FAM177A1: variants seen among roughly 807,000 people sequenced by gnomAD.
FAM177A1 encodes the protein family with sequence similarity 177 member A1.
FAM177A1 carries 22 observed loss-of-function variants against 26.1 expected under a neutral mutation model. The ratio of observed to expected loss-of-function variants is 0.84; its 90% confidence interval spans 0.60 to 1.20. The LOEUF is 1.20. Among genes scored for constraint, FAM177A1 ranks in the 50% most tolerant of loss-of-function variants. The probability of loss-of-function intolerance (pLI) is 0.00; values close to 1 mark genes in which losing one functional copy is unlikely to be tolerated. For synonymous variants in FAM177A1, 95 were observed against 99.3 expected (o/e 0.96, Z 0.26); for missense variants, 296 against 291.1 (o/e 1.02, Z -0.12).
chr14:35,046,505 C>A lies in FAM177A1; in HGVS notation c.42C>A (p.Ser14Arg). ...GLPAITLFLT[S>R]ASSPVVATTM... ...CGGCCATTACCCTCTTTCTCACCAG[C>A]GCCAGCAGCCCTGTGGTGGCGACGA... Residue 14 changes from serine to arginine, a missense_variant, in exon 1 of 5, where the codon AGC becomes AGA. Ser to Arg is a moderately radical substitution (Grantham distance 110). Transcript: ENST00000280987. 6.2e-7 allele frequency: 1 copy of A among 1,602,020 alleles called. No homozygotes were observed. Among genetic ancestry groups the A allele is most frequent in the East Asian group, 2.3e-5 (1 of 44,176 alleles).
At chr14:35,069,544 C>T (rs1214351536) in intron 2 of FAM177A1, among the ~76,000 whole-genome samples, 8 of 152,044 alleles carry the variant, frequency 5.3e-5, no homozygotes, top group Admixed American at 1.3e-4. Context: ...CTCGGCCTCC[C>T]AAAGTGCTGG....
At chr14:35,057,398 T>G (rs1242423025) in intron 2 of FAM177A1, among the ~76,000 whole-genome samples, 1 of 152,126 alleles carries the variant, frequency 6.6e-6, no homozygotes, top group Admixed American at 6.5e-5. Context: ...TCTTTTTTTT[T>G]TTGAGACGGA....
intron 2 of FAM177A1, among the ~76,000 whole-genome samples, chr14:35,058,750 C>T (rs1211626256): frequency 6.6e-6 from 1 of 152,054 alleles, no homozygotes; most frequent in Non-Finnish European, 1.5e-5. Flanking sequence ...GTGGCACACA[C>T]CTGTGGGCTC....
intron 1 of FAM177A1, chr14:35,046,850 T>G: frequency 7.4e-7 from 1 of 1,347,020 alleles, no homozygotes; most frequent in South Asian, 1.8e-5. Context: ...CAGCAGACTC[T>G]GGGGCGGCCT....
chr14:35,058,099 G>A (rs544639169), intron 2 of FAM177A1, among the ~76,000 whole-genome samples: 1 of 151,994 alleles, frequency 6.6e-6, no homozygotes, highest in Admixed American at 6.6e-5. Context: ...TCGAGACAGA[G>A]TTTCACTCTT....
chr14:35,071,838 C>G (rs548813684), intron 2 of FAM177A1, among the ~76,000 whole-genome samples: 12 of 152,126 alleles, frequency 7.9e-5, no homozygotes, highest in Non-Finnish European at 1.3e-4. Context: ...GAAAATCTGC[C>G]TATAACTTTT....
In FAM177A1 at chr14:35,065,912, CAGG is replaced by C. The variant is rs576725692; in HGVS notation, c.340-11235_340-11233del. 3.3e-4 allele frequency among the ~76,000 whole-genome samples: 50 copies of C among 152,050 alleles called. 1 individual carries two copies. Among genetic ancestry groups the C allele is most frequent in the South Asian group, 2.9e-3 (14 of 4,806 alleles). On this transcript the variant is annotated intron_variant, in intron 2 of 4. Coordinates refer to ENST00000280987, the MANE Select transcript of FAM177A1 (RefSeq NM_173607.5). ...TCACCATCTTGGCCAGACTGGTCAACAGGAGTTGGCCAGACTCCTGACCTCGTA... is the reference window on the plus strand; with the variant it reads ...TCACCATCTTGGCCAGACTGGTCAACAGTTGGCCAGACTCCTGACCTCGTA...
chr14:35,071,583 A>G (rs185807876), intron 2 of FAM177A1, among the ~76,000 whole-genome samples: 7 of 145,868 alleles, frequency 4.8e-5, no homozygotes, highest in African/African-American at 7.5e-5. Flanking sequence ...ATGTTCAAAC[A>G]AAGGGCCCTA....
At position 35,082,067 on chromosome 14, in the gene FAM177A1, A is replaced by G. The variant is rs1297902771; in HGVS notation, c.*839A>G. ...GCAATTAGATATTGTATAAGGTGCA[A>G]TGATAGCCTAATGAAATTACCCGTC... On this transcript the variant is annotated 3_prime_UTR_variant, in exon 5 of 5. Transcript: ENST00000280987. 1.3e-5 allele frequency: 2 copies of G among 152,204 alleles called. No individual in the cohort carries two copies. The highest frequency in any genetic ancestry group is 2.4e-5 in the African/African-American group (1 of 41,458). The allele number at this position is 152,204 out of a possible 1,614,324, so 9.4% of individuals were successfully genotyped here.
intron 2 of FAM177A1, among the ~76,000 whole-genome samples, chr14:35,074,874 A>G (rs568745621): frequency 4.7e-4 from 72 of 151,952 alleles, no homozygotes; most frequent in Non-Finnish European, 8.1e-4. Flanking sequence ...AACCTTATCT[A>G]TACTAAACAT....
At chr14:35,069,291 T>G (rs1453416319) in intron 2 of FAM177A1, among the ~76,000 whole-genome samples, 3 of 151,590 alleles carry the variant, frequency 2.0e-5, no homozygotes, top group African/African-American at 7.3e-5. Context: ...GTAGGTTTTT[T>G]TTTTTTTTTT....
At chr14:35,074,878 TA>T (rs2045371677) in intron 2 of FAM177A1, among the ~76,000 whole-genome samples, 1 of 151,930 alleles carries the variant, frequency 6.6e-6, no homozygotes, top group Admixed American at 6.6e-5. Flanking sequence ...TTATCTATAC[TA>T]AACATACAAA....
chr14:35,046,683 C>A, intron 1 of FAM177A1, 55 bp downstream of exon 1: 1 of 1,487,882 alleles, frequency 6.7e-7, no homozygotes, highest in South Asian at 1.3e-5. Context: ...TCCTTGCCTT[C>A]TCCGCGGGCC....
intron 2 of FAM177A1, among the ~76,000 whole-genome samples, chr14:35,066,423 T>TG (rs1239802227): frequency 6.6e-6 from 1 of 150,656 alleles, no homozygotes; most frequent in Non-Finnish European, 1.5e-5. Flanking sequence ...TTTTTTTTTT[T>TG]GAGACAGAGT....
At chr14:35,046,857 GC>G in intron 1 of FAM177A1, 1 of 1,340,058 alleles carries the variant, frequency 7.5e-7, no homozygotes, top group East Asian at 3.1e-5. Flanking sequence ...CTCTGGGGCG[GC>G]CTCGGGTTCC....
chr14:35,049,170 G>A (rs2044924093), intron 1 of FAM177A1, among the ~76,000 whole-genome samples: 1 of 152,078 alleles, frequency 6.6e-6, no homozygotes, highest in Non-Finnish European at 1.5e-5. Flanking sequence ...GGGATTACAG[G>A]TGTGAGCCAC....
intron 3 of FAM177A1, 52 bp downstream of exon 3, chr14:35,077,268 A>AAGTT: frequency 6.5e-7 from 1 of 1,528,698 alleles, no homozygotes. Flanking sequence ...TGCTTCAGCA[A>AAGTT]CAGGAACTTT....
At chr14:35,046,761 C>T (rs2044873464) in intron 1 of FAM177A1, 133 bp downstream of exon 1, 4 of 1,395,702 alleles carry the variant, frequency 2.9e-6, no homozygotes, top group East Asian at 2.9e-5. Context: ...CCTCACTGCA[C>T]CCCTGTTTCT....
At chr14:35,072,481 C>T (rs1023547260) in intron 2 of FAM177A1, among the ~76,000 whole-genome samples, 17 of 152,080 alleles carry the variant, frequency 1.1e-4, no homozygotes, top group Admixed American at 2.6e-4. Flanking sequence ...GAGAGAAAGG[C>T]GTACTTGCTG....
Sources: gnomAD v4.1 joint callset for allele counts (sites outside exome capture counted in the v4.1 genomes callset) on GRCh38, gnomAD v4.1.1 for gene constraint, MANE v1.5 for transcripts, NCBI Gene and HGNC (gene_info 2026-07-23, HGNC 2026-07-21) for gene names.